The following CRISP2 variants were observed in gnomAD, a reference collection of about 807,000 sequenced individuals.
CRISP2 encodes the protein cysteine rich secretory protein 2.
Under a neutral mutation model 31.7 loss-of-function variants are expected in CRISP2, and 29 were observed. The ratio of observed to expected loss-of-function variants is 0.92; its 90% CI spans 0.68 to 1.25. CRISP2 has a LOEUF of 1.25. CRISP2 is among the 50% of genes most tolerant of loss of function. CRISP2 has a pLI of 0.00. For missense variants in CRISP2, 318 were observed against 286.5 expected (o/e 1.11, Z -0.79); for synonymous variants, 111 against 101.4 (o/e 1.09, Z -0.57).
At chr6:49,697,697 C>T in intron 8 of CRISP2, 163 bp downstream of exon 8, 1 of 1,516,438 alleles carries the variant, frequency 6.6e-7, no homozygotes, top group Non-Finnish European at 8.9e-7. Context: ...AAGTTGTTCT[C>T]CTCTGAGAAG....
At chr6:49,690,727 G>T (rs747216705), downstream of CRISP2, among the ~76,000 whole-genome samples, 8 of 151,784 alleles carry the variant, frequency 5.3e-5, no homozygotes, top group Admixed American at 1.3e-4. Context: ...TGGTTAAAAA[G>T]GTATATATCA....
chr6:49,696,027 G>T, intron 8 of CRISP2, 103 bp from the exon 9 acceptor site: 2 of 641,292 alleles, frequency 3.1e-6, no homozygotes, highest in Non-Finnish European at 2.6e-6. Context: ...AGGGTTTTTA[G>T]TATGTTAACA....
intron 4 of CRISP2, among the ~76,000 whole-genome samples, chr6:49,701,494 GTGTGTGTA>G (rs1183032027): frequency 0.014 from 612 of 42,974 alleles, 13 homozygotes; most frequent in African/African-American, 0.086. Flanking sequence ...ACGTGTGTGT[GTGTGTGTA>G]TATATATATA....
chr6:49,688,874 A>C (rs921852527), downstream of CRISP2, among the ~76,000 whole-genome samples: 63 of 151,674 alleles, frequency 4.2e-4, no homozygotes, highest in East Asian at 1.4e-3. Context: ...CTTTTCTTTT[A>C]TTTTTTTGGG....
intron 4 of CRISP2, among the ~76,000 whole-genome samples, chr6:49,702,136 GTACTATA>G (rs1561878687): frequency 5.8e-3 from 2 of 346 alleles, no homozygotes; most frequent in East Asian, 0.25. Context: ...ATATATATGT[GTACTATA>G]TATATATATA....
downstream of CRISP2, among the ~76,000 whole-genome samples, chr6:49,690,411 G>A (rs1415180741): frequency 6.6e-6 from 1 of 152,088 alleles, no homozygotes; most frequent in Non-Finnish European, 1.5e-5. Flanking sequence ...AATTAAATAC[G>A]ATTCTGACCA....
At chr6:49,692,225 C>T (rs972346422), downstream of CRISP2, 2 of 150,076 alleles carry the variant, frequency 1.3e-5, no homozygotes, top group Admixed American at 6.7e-5. Context: ...TCATTTATCT[C>T]AGATGAATCT....
Position 49,697,857 on chromosome 6 carries a change from T to C in CRISP2, c.515+3A>G. 1.9e-6 allele frequency: 3 copies of C among 1,611,088 alleles called. No individual in the cohort carries two copies. The highest frequency in any genetic ancestry group is 2.5e-6 in the Non-Finnish European group (3 of 1,177,856). ...GCCATTAAACTCTAAACAGTCTACT[T>C]ACGCAGGACAATATTGGCAAACATA... is the stretch of plus-strand genomic sequence containing the variant. On this transcript the variant is annotated splice_donor_region_variant and intron_variant, in intron 8 of 9. Transcript: ENST00000339139.
chr6:49,685,157 A>T, the CRISP2 span, among the ~76,000 whole-genome samples: 1 of 152,198 alleles, frequency 6.6e-6, no homozygotes, highest in African/African-American at 2.4e-5. Flanking sequence ...TGCTGCAGTG[A>T]TAAAGATGGA....
At chr6:49,697,129 A>G (rs1764901920) in intron 8 of CRISP2, among the ~76,000 whole-genome samples, 1 of 152,156 alleles carries the variant, frequency 6.6e-6, no homozygotes, top group African/African-American at 2.4e-5. Flanking sequence ...CGCAGCCTCC[A>G]GTAGTAAAGA....
At chr6:49,701,073 G>T (rs1181166725) in intron 4 of CRISP2, among the ~76,000 whole-genome samples, 1 of 152,016 alleles carries the variant, frequency 6.6e-6, no homozygotes, top group Non-Finnish European at 1.5e-5. Context: ...GTAACTCATG[G>T]CATGACAAAC....
Position 49,700,025 on chromosome 6 carries a change from T to A in CRISP2, c.184-134A>T. 9 of 783,402 alleles carry A rather than the reference T, an allele frequency of 1.1e-5. No homozygotes were observed. The South Asian group carries it at 1.6e-4, about 14-fold the overall frequency. 48.5% of individuals were successfully genotyped at this position (783,402 alleles called of 1,614,324 possible). A position where few individuals can be genotyped will look rare whatever the true frequency, so the allele number is the denominator to read the frequency against. On this transcript the variant is annotated intron_variant, in intron 5 of 9. Coordinates refer to ENST00000339139, the MANE Select transcript of CRISP2 (RefSeq NM_003296.4). ...AATACTACTGTTATTAAAATGTTTTTAAGTGTTTTTATCTCTTCTGGTGCC... is the reference window on the plus strand; with the variant it reads ...AATACTACTGTTATTAAAATGTTTTAAAGTGTTTTTATCTCTTCTGGTGCC...
the CRISP2 span, among the ~76,000 whole-genome samples, chr6:49,682,645 T>TTC: frequency 9.2e-4 from 54 of 58,542 alleles, no homozygotes; most frequent in African/African-American, 5.2e-3. Context: ...CTTTCTTTCT[T>TTC]CTTTCTTTCT....
intron 8 of CRISP2, 82 bp downstream of exon 8, chr6:49,697,778 A>T: frequency 2.5e-6 from 4 of 1,603,572 alleles, no homozygotes; most frequent in East Asian, 2.3e-5. Context: ...ATATGTTTTC[A>T]TTCTGGTTTA....
chr6:49,692,057 T>A (rs1335255797), downstream of CRISP2, among the ~76,000 whole-genome samples: 1 of 152,138 alleles, frequency 6.6e-6, no homozygotes, highest in African/African-American at 2.4e-5. Context: ...GTATATTTGG[T>A]TAAATTATGT....
At chr6:49,686,431 A>C in the CRISP2 span, among the ~76,000 whole-genome samples, 28 of 152,324 alleles carry the variant, frequency 1.8e-4, no homozygotes, top group East Asian at 3.5e-3. Flanking sequence ...TGCACATGCA[A>C]CTTTGTTAGA....
At chr6:49,695,601 T>C (rs951133646) in intron 9 of CRISP2, among the ~76,000 whole-genome samples, 13 of 152,222 alleles carry the variant, frequency 8.5e-5, no homozygotes, top group African/African-American at 1.4e-4. Flanking sequence ...CAAAAACACA[T>C]TGATGATAAA....
rs776363213 is a variant in CRISP2 at position 49,695,944 on chromosome 6, T to A, written c.516-20A>T. 6.5e-7 allele frequency: 1 copy of A among 1,527,858 alleles called. No homozygotes were observed. Among genetic ancestry groups the A allele is most frequent in the Admixed American group, 1.7e-5 (1 of 58,444 alleles). The allele number at this position is 1,527,858 out of a possible 1,614,324, so 94.6% of individuals were successfully genotyped here. A position where few individuals can be genotyped will look rare whatever the true frequency, so the allele number is the denominator to read the frequency against. The stretch of plus-strand genomic sequence containing the variant: ...TTACCACTGAAATTTGAAATACATG[T>A]CAAATATTTTTCACTTTACTGTTTA... On this transcript the variant is annotated intron_variant, in intron 8 of 9. Transcript: ENST00000339139.
chr6:49,705,259 C>T (rs1285690013), intron 4 of CRISP2, among the ~76,000 whole-genome samples: 3 of 152,036 alleles, frequency 2.0e-5, no homozygotes, highest in Admixed American at 6.6e-5. Context: ...GCTGCCTCGG[C>T]TGCTTCATAG....
Sources: gnomAD v4.1 joint callset for allele counts (sites outside exome capture counted in the v4.1 genomes callset) on GRCh38, gnomAD v4.1.1 for gene constraint, MANE v1.5 for transcripts, NCBI Gene and HGNC (gene_info 2026-07-23, HGNC 2026-07-21) for gene names.